MESP1: variants seen among roughly 807,000 people sequenced by gnomAD.
The protein encoded by MESP1 is mesoderm posterior protein 1.
Under a neutral mutation model 15.2 loss-of-function variants are expected in MESP1, and 22 were observed. The observed-to-expected ratio is 1.45, with a 90% CI of 1.04 to 2.07. MESP1 has a LOEUF of 2.07. MESP1 is among the 30% of genes most tolerant of loss of function. MESP1 has a pLI of 0.00. For synonymous variants in MESP1, 216 were observed against 192.6 expected (o/e 1.12, Z -1.01); for missense variants, 484 against 411.9 (o/e 1.17, Z -1.51).
rs991035146 is a variant in MESP1 at position 89,749,943 on chromosome 15, G to T, written c.*201C>A. 5.1e-6 allele frequency: 3 copies of T among 586,182 alleles called. No individual in the cohort carries two copies. The highest frequency in any genetic ancestry group is 6.2e-6 in the Non-Finnish European group (2 of 323,766). The allele number at this position is 586,182 out of a possible 1,614,324, so 36.3% of individuals were successfully genotyped here. On this transcript the variant is annotated 3_prime_UTR_variant, in exon 2 of 2. Transcript: ENST00000300057. Reference sequence around the variant, plus strand: ...GGCAGAGCCTCCTGCTTGCCTCAAAGTGTCTAGCCCTATGGGTCCCTCCAT... The same window carrying T: ...GGCAGAGCCTCCTGCTTGCCTCAAATTGTCTAGCCCTATGGGTCCCTCCAT...
the MESP1 span, chr15:89,733,203 A>AGT: frequency 6.2e-7 from 1 of 1,613,826 alleles, no homozygotes; most frequent in Non-Finnish European, 8.5e-7. Context: ...ACCCACCATC[A>AGT]GTGTGCTTGT....
chr15:89,749,543 G>A (rs1357010534), downstream of MESP1: 3 of 152,584 alleles, frequency 2.0e-5, no homozygotes, highest in East Asian at 3.9e-4. Context: ...GAGTATAATA[G>A]GTACCTGATG....
At chr15:89,732,982 G>A in the MESP1 span, 38 of 1,611,422 alleles carry the variant, frequency 2.4e-5, no homozygotes, top group African/African-American at 2.3e-4. Flanking sequence ...TTTTCTGACC[G>A]GCTTGTGTGA....
chr15:89,735,508 T>A, the MESP1 span: 6 of 1,614,172 alleles, frequency 3.7e-6, no homozygotes, highest in South Asian at 6.6e-5. Context: ...AGCACCTGGA[T>A]AAAACCATCT....
At chr15:89,742,675 A>G in the MESP1 span, among the ~76,000 whole-genome samples, 1 of 152,092 alleles carries the variant, frequency 6.6e-6, no homozygotes, top group African/African-American at 2.4e-5. Flanking sequence ...CTGGCATTAC[A>G]GGCACGTGCC....
the MESP1 span, among the ~76,000 whole-genome samples, chr15:89,744,873 G>A: frequency 9.9e-5 from 15 of 152,266 alleles, no homozygotes; most frequent in East Asian, 2.5e-3. Context: ...AGAAGCACCC[G>A]GTGGACCACC....
At chr15:89,733,814 T>A in the MESP1 span, among the ~76,000 whole-genome samples, 1,778 of 152,282 alleles carry the variant, frequency 0.012, 15 homozygotes, top group Non-Finnish European at 0.021. Context: ...TTATACATTA[T>A]CCAGTTTCAG....
downstream of MESP1, among the ~76,000 whole-genome samples, chr15:89,747,438 A>G (rs1967992239): frequency 1.3e-5 from 2 of 152,228 alleles, no homozygotes; most frequent in African/African-American, 4.8e-5. Flanking sequence ...GCAGAGCCCC[A>G]GAAGAGGAGG....
chr15:89,741,324 G>A, the MESP1 span, among the ~76,000 whole-genome samples: 5 of 151,616 alleles, frequency 3.3e-5, no homozygotes, highest in South Asian at 2.1e-4. Context: ...TTGACTTCCC[G>A]GGCTCAGGCA....
At chr15:89,734,021 G>A in the MESP1 span, among the ~76,000 whole-genome samples, 7 of 151,240 alleles carry the variant, frequency 4.6e-5, no homozygotes, top group South Asian at 1.0e-3. Flanking sequence ...GTGCGCGCGC[G>A]CATGTGTGTA....
At chr15:89,740,762 A>C in the MESP1 span, among the ~76,000 whole-genome samples, 1 of 152,038 alleles carries the variant, frequency 6.6e-6, no homozygotes, top group Non-Finnish European at 1.5e-5. Context: ...TCGGCCTGCC[A>C]AAGTGGTGGG....
In MESP1 at chr15:89,750,964, G is replaced by T. The variant is rs374547302; in HGVS notation, c.268C>A (p.Arg90=). The T allele has an allele frequency of 5.6e-6, 8 of 1,436,952 alleles. No homozygotes were observed. Among genetic ancestry groups the T allele is most frequent in the Non-Finnish European group, 7.3e-6 (8 of 1,099,658 alleles). The allele number at this position is 1,436,952 out of a possible 1,614,324, so 89.0% of individuals were successfully genotyped here. ...AGCGTGCGCATGCGCAGTTTCTCCC[G>T]CTCACTGGCGCTCTGCCTCTGCCCG... is the stretch of plus-strand genomic sequence containing the variant. ...GSGQRQSASE[R]EKLRMRTLAR... Residue 90 remains arginine (R), a synonymous_variant, in exon 1 of 2, where the codon CGG becomes AGG. Coordinates refer to ENST00000300057, the MANE Select transcript of MESP1 (RefSeq NM_018670.4).
chr15:89,741,978 C>T, the MESP1 span, among the ~76,000 whole-genome samples: 1 of 152,198 alleles, frequency 6.6e-6, no homozygotes, highest in Non-Finnish European at 1.5e-5. Flanking sequence ...GTATCGATCT[C>T]TTGACCTTGT....
the MESP1 span, among the ~76,000 whole-genome samples, chr15:89,737,042 T>C: frequency 2.1e-3 from 319 of 152,280 alleles, 4 homozygotes; most frequent in African/African-American, 6.7e-3. Context: ...CCGCCCACCT[T>C]GGCCTCCCAA....
chr15:89,741,567 T>C, the MESP1 span, among the ~76,000 whole-genome samples: 1 of 152,276 alleles, frequency 6.6e-6, no homozygotes, highest in African/African-American at 2.4e-5. Flanking sequence ...TCTACTTAGA[T>C]TGGCAGAGTT....
the MESP1 span, chr15:89,733,036 A>G: frequency 6.2e-7 from 1 of 1,614,096 alleles, no homozygotes; most frequent in Non-Finnish European, 8.5e-7. Context: ...GCTCTTCCTC[A>G]GGGATGTTTC....
chr15:89,744,041 C>A, the MESP1 span, among the ~76,000 whole-genome samples: 1 of 152,180 alleles, frequency 6.6e-6, no homozygotes, highest in Non-Finnish European at 1.5e-5. Context: ...AACTGTCCTC[C>A]CCCAAAAAAC....
chr15:89,742,512 T>C, the MESP1 span, among the ~76,000 whole-genome samples: 16 of 152,098 alleles, frequency 1.1e-4, no homozygotes, highest in Non-Finnish European at 1.5e-4. Flanking sequence ...CATGCACTTA[T>C]TATTTTTTTT....
chr15:89,750,386 T>C, intron 1 of MESP1, 123 bp downstream of exon 1: 1 of 1,459,700 alleles, frequency 6.9e-7, no homozygotes, highest in Non-Finnish European at 9.1e-7. Flanking sequence ...CTGGGCATAC[T>C]ATGGTGGCCA....
Sources: allele counts gnomAD v4.1 joint callset (sites outside exome capture counted in the v4.1 genomes callset), GRCh38; gene constraint gnomAD v4.1.1; transcripts MANE v1.5; gene names NCBI Gene and HGNC (gene_info 2026-07-23, HGNC 2026-07-21).